Variants in CPQ observed in about 807,000 individuals in gnomAD.
The protein encoded by CPQ is carboxypeptidase Q.
Under a neutral mutation model 45.7 loss-of-function variants are expected in CPQ, and 37 were observed. That is an observed-to-expected ratio of 0.81 (90% CI 0.62 to 1.07). CPQ has a LOEUF of 1.07. CPQ is among the 50% of genes least tolerant of loss of function. The pLI is 0.00. For synonymous variants in CPQ, 186 were observed against 205.8 expected (o/e 0.90, Z 0.82); for missense variants, 537 against 572.9 (o/e 0.94, Z 0.64).
chr8:97,023,507 CA>C (rs1428121898), intron 5 of CPQ, among the ~76,000 whole-genome samples: 2 of 152,130 alleles, frequency 1.3e-5, no homozygotes, highest in Non-Finnish European at 2.9e-5. Flanking sequence ...TAAGCAGAAG[CA>C]GAGGATGAGA....
intron 4 of CPQ, among the ~76,000 whole-genome samples, chr8:96,902,737 G>C (rs1413343637): frequency 1.3e-5 from 2 of 152,152 alleles, no homozygotes; most frequent in African/African-American, 4.8e-5. Context: ...ACTAAGCCAT[G>C]GGGCACGCAA....
rs548471966 is a variant in CPQ at position 96,845,827 on chromosome 8, T to G, written c.641+10647T>G. On this transcript the variant is annotated intron_variant, in intron 3 of 7. Coordinates refer to ENST00000220763, the MANE Select transcript of CPQ (RefSeq NM_016134.4). ...AAATTGCCTAACTTTTTATTTTTAT[T>G]TTTATTTTTTGAGACGGAGTTTCAC... is the stretch of plus-strand genomic sequence containing the variant. 2.0e-5 allele frequency among the ~76,000 whole-genome samples: 3 copies of G among 152,298 alleles called. No homozygotes were observed. In the South Asian group the frequency reaches 6.2e-4, roughly 32 times the overall value.
chr8:96,970,425 C>G (rs1472817268), intron 5 of CPQ, among the ~76,000 whole-genome samples: 2 of 152,166 alleles, frequency 1.3e-5, no homozygotes, highest in East Asian at 3.9e-4. Flanking sequence ...GAAAATAAAC[C>G]CAAGCAGTAG....
intron 4 of CPQ, among the ~76,000 whole-genome samples, chr8:96,950,297 CAT>C (rs1388938432): frequency 2.0e-5 from 3 of 152,076 alleles, no homozygotes; most frequent in Non-Finnish European, 4.4e-5. Flanking sequence ...GATCACAAAA[CAT>C]AATATTGTTT....
At position 97,127,662 on chromosome 8, in the gene CPQ, G is replaced by A. The variant is rs141795900; in HGVS notation, c.1256-15358G>A. ...CGAGATTTCGCCACTGCACTCCAGC[G>A]TGGGTGACAGAGCAAGACTCCATCC... On this transcript the variant is annotated intron_variant, in intron 7 of 7. Transcript: ENST00000220763. Among the ~76,000 whole-genome samples, 1,001 of 152,110 alleles carry A rather than the reference G, an allele frequency of 6.6e-3. 5 individuals are homozygous for A. Among genetic ancestry groups the A allele is most frequent in the African/African-American group, 0.02 (833 of 41,508 alleles).
At chr8:97,037,744 G>T (rs183823140) in intron 6 of CPQ, among the ~76,000 whole-genome samples, 1 of 152,286 alleles carries the variant, frequency 6.6e-6, no homozygotes, top group Admixed American at 6.5e-5. Context: ...GCTTTCTCCT[G>T]TGTAGAATTC....
chr8:97,060,356 G>T (rs1261507810), intron 6 of CPQ, among the ~76,000 whole-genome samples: 1 of 152,068 alleles, frequency 6.6e-6, no homozygotes, highest in Non-Finnish European at 1.5e-5. Flanking sequence ...GAACAGAAGT[G>T]TTACAGCATG....
chr8:96,812,818 T>TC (rs1563503284), intron 2 of CPQ, among the ~76,000 whole-genome samples: 1 of 151,976 alleles, frequency 6.6e-6, no homozygotes, highest in Non-Finnish European at 1.5e-5. Context: ...CGAAGGTTTT[T>TC]CCCTCAAGCT....
At chr8:97,065,160 A>T (rs1466980087) in intron 6 of CPQ, among the ~76,000 whole-genome samples, 1 of 152,128 alleles carries the variant, frequency 6.6e-6, no homozygotes, top group African/African-American at 2.4e-5. Context: ...TAGGTCTTGA[A>T]GATGTGGTTG....
intron 2 of CPQ, among the ~76,000 whole-genome samples, chr8:96,787,334 T>C (rs1810781595): frequency 6.6e-6 from 1 of 152,034 alleles, no homozygotes; most frequent in East Asian, 1.9e-4. Flanking sequence ...TCTTTCTCCT[T>C]TAATTCGGTG....
intron 4 of CPQ, among the ~76,000 whole-genome samples, chr8:96,958,878 T>C (rs1813402696): frequency 6.6e-6 from 1 of 150,672 alleles, no homozygotes; most frequent in Non-Finnish European, 1.5e-5. Context: ...GAAAGGATTC[T>C]GTATCCTACA....
At chr8:96,838,364 A>T (rs769359735) in intron 3 of CPQ, among the ~76,000 whole-genome samples, 17 of 151,984 alleles carry the variant, frequency 1.1e-4, no homozygotes, top group Admixed American at 2.6e-4. Flanking sequence ...CATTTTTGAG[A>T]TCTGAGTTCT....
At chr8:96,729,345 T>C (rs1809881461) in intron 1 of CPQ, among the ~76,000 whole-genome samples, 1 of 152,178 alleles carries the variant, frequency 6.6e-6, no homozygotes, top group African/African-American at 2.4e-5. Flanking sequence ...CCTAGGATTG[T>C]AGCCACTTGT....
chr8:96,738,324 T>G (rs1254130565), intron 1 of CPQ, among the ~76,000 whole-genome samples: 1 of 152,182 alleles, frequency 6.6e-6, no homozygotes, highest in African/African-American at 2.4e-5. Context: ...TCCATTTATG[T>G]GGATTTGTCC....
intron 4 of CPQ, among the ~76,000 whole-genome samples, chr8:96,906,210 C>G (rs563608047): frequency 4.3e-4 from 65 of 152,094 alleles, no homozygotes; most frequent in Non-Finnish European, 8.1e-4. Flanking sequence ...CAGAATACAT[C>G]CTGTGTTCCT....
intron 3 of CPQ, among the ~76,000 whole-genome samples, chr8:96,854,652 A>G (rs971070517): frequency 1.3e-5 from 2 of 151,688 alleles, no homozygotes; most frequent in African/African-American, 2.4e-5. Flanking sequence ...GTATGTGAAT[A>G]TGAAGAAATT....
chr8:96,664,018 A>G (rs1361511488), intron 1 of CPQ, among the ~76,000 whole-genome samples: 1 of 152,246 alleles, frequency 6.6e-6, no homozygotes, highest in Non-Finnish European at 1.5e-5. Flanking sequence ...AAAATAGGGA[A>G]TATAATGTCA....
intron 7 of CPQ, among the ~76,000 whole-genome samples, chr8:97,080,654 T>C (rs139325745): frequency 5.5e-4 from 84 of 152,348 alleles, no homozygotes; most frequent in Middle Eastern, 3.4e-3. Context: ...TGGGGACTTT[T>C]AACACAGTGA....
At chr8:96,784,742 G>T (rs1810737834) in intron 1 of CPQ, 122 bp from the exon 2 acceptor site, 2 of 669,142 alleles carry the variant, frequency 3.0e-6, no homozygotes, top group South Asian at 4.0e-5. Flanking sequence ...GAATTTGATG[G>T]TGGATGTTGG....
Sources: gnomAD v4.1 joint callset for allele counts (sites outside exome capture counted in the v4.1 genomes callset) on GRCh38, gnomAD v4.1.1 for gene constraint, MANE v1.5 for transcripts, NCBI Gene and HGNC (gene_info 2026-07-23, HGNC 2026-07-21) for gene names.